Variants in PLD1 observed in about 807,000 individuals in gnomAD.
PLD1 encodes the protein phospholipase D1.
Under a neutral mutation model 137.1 loss-of-function variants are expected in PLD1, and 112 were observed. The ratio of observed to expected loss-of-function variants is 0.82; its 90% CI spans 0.70 to 0.96. The LOEUF (loss-of-function observed/expected upper bound fraction) is 0.96, where lower values mean the gene tolerates loss of function less well. Among genes scored for constraint, PLD1 ranks in the 40% least tolerant of loss-of-function variants. The pLI, the probability that PLD1 is intolerant of heterozygous loss-of-function variation, is 0.00. For synonymous variants in PLD1, 431 were observed against 454.7 expected (o/e 0.95, Z 0.66); for missense variants, 1,321 against 1,342.0 (o/e 0.98, Z 0.24).
rs537000902 is a variant in PLD1, at chr3:171,641,366, A to G, written c.2593+1474T>C. Reference sequence around the variant, plus strand: ...ATTTTTGTTGCTTTTATGTAGGACTATATTTTTGGAGATCCTTCCTCTGCC... The same window carrying G: ...ATTTTTGTTGCTTTTATGTAGGACTGTATTTTTGGAGATCCTTCCTCTGCC... On this transcript the variant is annotated intron_variant, in intron 23 of 26. Transcript: ENST00000351298. Among the ~76,000 whole-genome samples the G allele has an allele frequency of 2.6e-5, 4 of 152,256 alleles. No individual in the cohort carries two copies. In the South Asian group the frequency reaches 8.3e-4, roughly 32 times the overall value.
At chr3:171,755,079 G>A (rs1720925281) in intron 1 of PLD1, among the ~76,000 whole-genome samples, 1 of 152,044 alleles carries the variant, frequency 6.6e-6, no homozygotes, top group African/African-American at 2.4e-5. Flanking sequence ...CAGTCATCTG[G>A]AGAAATTCAA....
chr3:171,754,207 T>C (rs893046778), intron 1 of PLD1, among the ~76,000 whole-genome samples: 3 of 152,198 alleles, frequency 2.0e-5, no homozygotes, highest in African/African-American at 4.8e-5. Flanking sequence ...CTGGTGTCTA[T>C]TGGGTTCTCA....
At chr3:171,687,256 C>T (rs1714661943) in intron 15 of PLD1, 115 bp downstream of exon 15, 1 of 820,576 alleles carries the variant, frequency 1.2e-6, no homozygotes, top group Non-Finnish European at 2.0e-6. Flanking sequence ...GACCTCTCAA[C>T]ATTGCTCATT....
At chr3:171,674,646 T>TGAGAAAAAAGATTC (rs1713147200) in intron 18 of PLD1, 33 bp from the exon 19 acceptor site, 1 of 1,220,558 alleles carries the variant, frequency 8.2e-7, no homozygotes, top group African/African-American at 1.5e-5. Flanking sequence ...AATATTCAAA[T>TGAGAAAAAAGATTC]GAGAAAAAAG....
chr3:171,722,726 G>C (rs1351344325), intron 8 of PLD1, among the ~76,000 whole-genome samples: 2 of 152,024 alleles, frequency 1.3e-5, no homozygotes, highest in Non-Finnish European at 2.9e-5. Flanking sequence ...CCTTTTAAAA[G>C]TTCACAATGC....
chr3:171,751,111 G>A (rs1397536545), intron 1 of PLD1, among the ~76,000 whole-genome samples: 1 of 152,076 alleles, frequency 6.6e-6, no homozygotes, highest in Admixed American at 6.5e-5. Flanking sequence ...GCAATTCAGA[G>A]AAATATAAAA....
rs750261570 is a variant in PLD1, at chr3:171,645,032, G to C, written c.2430-9C>G. 4.5e-6 allele frequency: 7 copies of C among 1,550,302 alleles called. No homozygotes were observed. The highest frequency in any genetic ancestry group is 6.2e-6 in the Non-Finnish European group (7 of 1,121,866). On this transcript the variant is annotated splice_polypyrimidine_tract_variant and intron_variant, in intron 21 of 26. Transcript: ENST00000351298. ...GGTATTTCTGGTTTTCCCTGCAAAG[G>C]TCAGATGCAGAGAAATTCACCCAAA...
At chr3:171,697,330 C>T (rs1348374539) in intron 12 of PLD1, among the ~76,000 whole-genome samples, 1 of 150,328 alleles carries the variant, frequency 6.7e-6, no homozygotes, top group Non-Finnish European at 1.5e-5. Flanking sequence ...CTGCAAGCTC[C>T]GCCTCCCGGG....
At chr3:171,647,143 T>G (rs1217958144) in intron 21 of PLD1, among the ~76,000 whole-genome samples, 3 of 152,224 alleles carry the variant, frequency 2.0e-5, no homozygotes, top group African/African-American at 4.8e-5. Context: ...ACAGGATGCC[T>G]GCCCACATAT....
At position 171,688,880 on chromosome 3, in the gene PLD1, G is replaced by C. The variant is rs751175957; in HGVS notation, c.1339-4C>G. The C allele has an allele frequency of 6.2e-7, 1 of 1,609,078 alleles. No homozygotes were observed. Among genetic ancestry groups the C allele is most frequent in the Non-Finnish European group, 8.5e-7 (1 of 1,175,624 alleles). On this transcript the variant is annotated splice_polypyrimidine_tract_variant and splice_region_variant and intron_variant, in intron 13 of 26. Coordinates refer to ENST00000351298, the MANE Select transcript of PLD1 (RefSeq NM_002662.5). ...CATGATCCGGGTGTCTCATCACCTT[G>C]AGAGGGAATAATCCCCACTGATAAT... is the stretch of plus-strand genomic sequence containing the variant.
chr3:171,764,868 A>G lies in PLD1; in HGVS notation c.-31-26786T>C, dbSNP rs563234699. Among the ~76,000 whole-genome samples, 69 of 27,358 alleles carry G rather than the reference A, an allele frequency of 2.5e-3. 3 individuals carry two copies. Among genetic ancestry groups the G allele is most frequent in the African/African-American group, 5.2e-3 (34 of 6,582 alleles). 17.9% of individuals were successfully genotyped at this position (27,358 alleles called of 152,430 possible). A position where few individuals can be genotyped will look rare whatever the true frequency, so the allele number is the denominator to read the frequency against. On this transcript the variant is annotated intron_variant, in intron 1 of 26. Transcript: ENST00000351298. ...GAAAGAAAGAAAGAAAGAAAGAAAG[A>G]AAGAAAGAAAGAAAGAAAGAAAGAA...
At chr3:171,741,554 T>G (rs1232581218) in intron 1 of PLD1, among the ~76,000 whole-genome samples, 2 of 152,250 alleles carry the variant, frequency 1.3e-5, no homozygotes, top group Non-Finnish European at 2.9e-5. Flanking sequence ...CAATTGATTT[T>G]GTTACCTCCT....
chr3:171,706,902 T>C (rs530192290), intron 11 of PLD1, among the ~76,000 whole-genome samples: 1 of 152,254 alleles, frequency 6.6e-6, no homozygotes, highest in South Asian at 2.1e-4. Context: ...TTTATATGTT[T>C]AATTGAATCA....
Position 171,612,160 on chromosome 3 carries a change from C to T in PLD1, c.2882+119G>A. 1 of 807,280 alleles carries T rather than the reference C, an allele frequency of 1.2e-6. No individual in the cohort carries two copies. The highest frequency in any genetic ancestry group is 2.0e-6 in the Non-Finnish European group (1 of 495,400). 50.0% of individuals were successfully genotyped at this position (807,280 alleles called of 1,614,324 possible). ...GTGGTACATATCCTATATTCTGGGA[C>T]ACACTGTTTTAGATGAAGAAGAACC... is the stretch of plus-strand genomic sequence containing the variant. On this transcript the variant is annotated intron_variant, in intron 25 of 26. Coordinates refer to ENST00000351298, the MANE Select transcript of PLD1 (RefSeq NM_002662.5). This position sits in a 1 kb window ranked among gnomAD's most constrained non-coding sequence, Gnocchi z 4.1.
At chr3:171,632,604 C>T (rs182134559) in intron 23 of PLD1, among the ~76,000 whole-genome samples, 3 of 151,980 alleles carry the variant, frequency 2.0e-5, no homozygotes, top group African/African-American at 7.2e-5. Context: ...AAAAAAAATC[C>T]CTACATCTAT....
At chr3:171,728,620 G>A (rs980459916) in intron 6 of PLD1, among the ~76,000 whole-genome samples, 5 of 152,272 alleles carry the variant, frequency 3.3e-5, no homozygotes, top group Admixed American at 6.5e-5. Flanking sequence ...CAGAACAACC[G>A]AAGGGAAGAA....
rs550620163 is a variant in PLD1 at position 171,706,118 on chromosome 3, C to G, written c.1145+2637G>C. On this transcript the variant is annotated intron_variant, in intron 11 of 26. Coordinates refer to ENST00000351298, the MANE Select transcript of PLD1 (RefSeq NM_002662.5). ...TTATACACCCAAACCAACACCGGGT[C>G]AGTCAGTCTATCTATCTATCTATCT... Among the ~76,000 whole-genome samples the G allele has an allele frequency of 5.1e-5, 6 of 117,378 alleles. No individual in the cohort carries two copies. In the South Asian group the frequency reaches 1.8e-3, roughly 35 times the overall value. The allele number at this position is 117,378 out of a possible 152,430, so 77.0% of individuals were successfully genotyped here. A position where few individuals can be genotyped will look rare whatever the true frequency, so the allele number is the denominator to read the frequency against.
At chr3:171,621,774 T>C (rs1733655632) in intron 23 of PLD1, among the ~76,000 whole-genome samples, 1 of 152,212 alleles carries the variant, frequency 6.6e-6, no homozygotes, top group African/African-American at 2.4e-5. Flanking sequence ...GTTAATGTTA[T>C]ATTGGAAAGA....
At chr3:171,705,527 T>G (rs1037512385) in intron 11 of PLD1, among the ~76,000 whole-genome samples, 1 of 151,992 alleles carries the variant, frequency 6.6e-6, no homozygotes, top group Admixed American at 6.6e-5. Flanking sequence ...TACAACTAAA[T>G]AAGAAGACTA....
Sources: gnomAD v4.1 joint callset for allele counts (sites outside exome capture counted in the v4.1 genomes callset) on GRCh38, gnomAD v4.1.1 for gene constraint, Gnocchi (gnomAD v3.1) non-coding constraint, MANE v1.5 for transcripts, NCBI Gene and HGNC (gene_info 2026-07-23, HGNC 2026-07-21) for gene names.